Variants in TMEM170A observed in about 807,000 individuals in gnomAD.
TMEM170A encodes transmembrane protein 170A, also known as transmembrane protein 170.
Under a neutral mutation model 12.8 loss-of-function variants are expected in TMEM170A, and 18 were observed. The observed-to-expected ratio is 1.41, with a 90% CI of 0.97 to 2.09. The LOEUF (loss-of-function observed/expected upper bound fraction) is 2.09, where lower values mean the gene tolerates loss of function less well. TMEM170A is among the 30% of genes most tolerant of loss of function. The pLI is 0.00. For synonymous variants in TMEM170A, 107 were observed against 76.2 expected, an observed-to-expected ratio of 1.40 and a Z score of -2.11; for missense variants, 220 against 179.9, an observed-to-expected ratio of 1.22 and a Z score of -1.28.
rs991944952 is a variant in TMEM170A at position 75,464,380 on chromosome 16, C to G, written c.133+88G>C. The G allele has an allele frequency of 3.1e-5, 43 of 1,374,448 alleles. No individual in the cohort carries two copies. The African/African-American group carries it at 6.3e-4, about 20-fold the overall frequency. The allele number at this position is 1,374,448 out of a possible 1,614,324, so 85.1% of individuals were successfully genotyped here. On this transcript the variant is annotated intron_variant, in intron 1 of 2. Coordinates refer to ENST00000561878, the MANE Select transcript of TMEM170A (RefSeq NM_145254.3). ...GCCCACGCCGCCAGCAGGCTGCGCACCCGGGACCCCGCCCAGACTCGGGGC... is the reference window on the plus strand; with the variant it reads ...GCCCACGCCGCCAGCAGGCTGCGCAGCCGGGACCCCGCCCAGACTCGGGGC...
chr16:75,455,632 G>C (rs2079778954), intron 1 of TMEM170A, among the ~76,000 whole-genome samples: 1 of 152,012 alleles, frequency 6.6e-6, no homozygotes, highest in African/African-American at 2.4e-5. Flanking sequence ...GTGAAACACT[G>C]TCTCTCCTAA....
intron 1 of TMEM170A, among the ~76,000 whole-genome samples, chr16:75,460,984 G>C (rs965264719): frequency 1.3e-5 from 2 of 152,166 alleles, no homozygotes; most frequent in African/African-American, 2.4e-5. Flanking sequence ...TCTTGGTTTT[G>C]AGGTTTGTTA....
intron 1 of TMEM170A, among the ~76,000 whole-genome samples, chr16:75,458,068 T>C (rs2079831494): frequency 1.3e-5 from 2 of 152,244 alleles, no homozygotes; most frequent in South Asian, 4.1e-4. Flanking sequence ...AATAGCTATT[T>C]ATCGATTGTC....
chr16:75,450,164 C>T (rs2151629528), intron 2 of TMEM170A, among the ~76,000 whole-genome samples: 1 of 130,508 alleles, frequency 7.7e-6, no homozygotes, highest in African/African-American at 3.1e-5. Context: ...CACAGAGAAA[C>T]TAGGCCACTT....
At chr16:75,454,408 G>T (rs1413361682) in intron 1 of TMEM170A, among the ~76,000 whole-genome samples, 1 of 152,004 alleles carries the variant, frequency 6.6e-6, no homozygotes, top group African/African-American at 2.4e-5. Flanking sequence ...CACGAGGTCA[G>T]GAGTTCAAGA....
chr16:75,464,670 A>T lies in TMEM170A; in HGVS notation c.-70T>A, dbSNP rs2079967630. On this transcript the variant is annotated 5_prime_UTR_variant, in exon 1 of 3. Transcript: ENST00000561878. ...GTGCGGTAGCGGCCGGCGCCGACTC[A>T]CCCTCGCCGCCTCAGCGTCACCTCC... 56 of 1,517,524 alleles carry T rather than the reference A, an allele frequency of 3.7e-5. No homozygotes were observed. The highest frequency in any genetic ancestry group is 4.9e-5 in the Non-Finnish European group (56 of 1,141,076). 94.0% of individuals were successfully genotyped at this position (1,517,524 alleles called of 1,614,324 possible). A position where few individuals can be genotyped will look rare whatever the true frequency, so the allele number is the denominator to read the frequency against.
rs80104828 is a variant in TMEM170A at position 75,445,699 on chromosome 16, CT to C, written c.*1858del. ...GCAAATTGGTCCTCCTGACTTTTTT[CT>C]TTTTTTTTTTTTTCCAAATTGGGCA... On this transcript the variant is annotated 3_prime_UTR_variant, in exon 3 of 3. Coordinates refer to ENST00000561878, the MANE Select transcript of TMEM170A (RefSeq NM_145254.3). 714 of 140,328 alleles carry C rather than the reference CT, an allele frequency of 5.1e-3. 5 individuals carry two copies. Among genetic ancestry groups the C allele is most frequent in the African/African-American group, 0.013 (516 of 38,522 alleles). 8.7% of individuals were successfully genotyped at this position (140,328 alleles called of 1,614,324 possible).
At chr16:75,456,774 A>G (rs1387212384) in intron 1 of TMEM170A, among the ~76,000 whole-genome samples, 1 of 151,926 alleles carries the variant, frequency 6.6e-6, no homozygotes, top group East Asian at 1.9e-4. Context: ...GCCCACACAA[A>G]TCTCTCCTGC....
Position 75,451,815 on chromosome 16 carries a change from C to T in TMEM170A, c.158G>A (p.Trp53Ter), listed in dbSNP as rs1182864272. ...FPEMWYGVFL[W>*]ALVSSLFFHV... ...AAAGAAGAGAGAAGACACCAGTGCC[C>T]ACAGGAATACACCATACCACATCTC... is the stretch of plus-strand genomic sequence containing the variant. Residue 53 changes from tryptophan (W) to a stop codon, truncating the protein, a stop_gained, in exon 2 of 3, where the codon TGG becomes TAG. Coordinates refer to ENST00000561878, the MANE Select transcript of TMEM170A (RefSeq NM_145254.3). LOFTEE classifies it high-confidence loss of function. The T allele has an allele frequency of 1.2e-6, 2 of 1,613,122 alleles. No homozygotes were observed. The highest frequency in any genetic ancestry group is 2.2e-5 in the South Asian group (2 of 90,996).
At chr16:75,455,712 CG>C (rs1476716868) in intron 1 of TMEM170A, among the ~76,000 whole-genome samples, 2 of 151,728 alleles carry the variant, frequency 1.3e-5, no homozygotes, top group East Asian at 3.9e-4. Context: ...GGCTGAAGCC[CG>C]AGAATCGCTT....
Position 75,444,104 on chromosome 16 carries a change from A to C in TMEM170A, c.*3454T>G, listed in dbSNP as rs1461789199. ...CTCCATTTCAAAAAAAAAAGAAAAA[A>C]AAATCAAGAAATCAGCTTTTATGGT... On this transcript the variant is annotated 3_prime_UTR_variant, in exon 3 of 3. Coordinates refer to ENST00000561878, the MANE Select transcript of TMEM170A (RefSeq NM_145254.3). The C allele has an allele frequency of 6.6e-6, 1 of 151,410 alleles. No individual in the cohort carries two copies. Among genetic ancestry groups the C allele is most frequent in the African/African-American group, 2.4e-5 (1 of 41,202 alleles). 9.4% of individuals were successfully genotyped at this position (151,410 alleles called of 1,614,324 possible).
intron 2 of TMEM170A, among the ~76,000 whole-genome samples, chr16:75,448,592 ATC>A (rs1408361936): frequency 6.6e-6 from 1 of 151,636 alleles, no homozygotes; most frequent in Non-Finnish European, 1.5e-5. Flanking sequence ...GTGAAACCCC[ATC>A]TCTACTAAAA....
chr16:75,443,662 T>G lies in TMEM170A; in HGVS notation c.*3896A>C, dbSNP rs1167380836. 5 of 152,226 alleles carry G rather than the reference T, an allele frequency of 3.3e-5. No individual in the cohort carries two copies. Among genetic ancestry groups the G allele is most frequent in the African/African-American group, 1.2e-4 (5 of 41,452 alleles). 9.4% of individuals were successfully genotyped at this position (152,226 alleles called of 1,614,324 possible). On this transcript the variant is annotated 3_prime_UTR_variant, in exon 3 of 3. Transcript: ENST00000561878. ...AATTAATGAACTTTTCCTCACCTAG[T>G]GTAAACATTTCATAAGAAGTAATAT...
chr16:75,445,812 G>C lies in TMEM170A; in HGVS notation c.*1746C>G, dbSNP rs2079575098. On this transcript the variant is annotated 3_prime_UTR_variant, in exon 3 of 3. Coordinates refer to ENST00000561878, the MANE Select transcript of TMEM170A (RefSeq NM_145254.3). Reference sequence around the variant, plus strand: ...AGTGTGTATTGCTTTAAATGGAATAGATACGTTCATGTGTATATGACCTCA... The same window carrying C: ...AGTGTGTATTGCTTTAAATGGAATACATACGTTCATGTGTATATGACCTCA... 1 of 151,538 alleles carries C rather than the reference G, an allele frequency of 6.6e-6. No homozygotes were observed. The highest frequency in any genetic ancestry group is 1.5e-5 in the Non-Finnish European group (1 of 67,972). 9.4% of individuals were successfully genotyped at this position (151,538 alleles called of 1,614,324 possible).
At chr16:75,449,943 G>C (rs756853533) in intron 2 of TMEM170A, among the ~76,000 whole-genome samples, 28 of 152,190 alleles carry the variant, frequency 1.8e-4, no homozygotes, top group Non-Finnish European at 3.5e-4. Flanking sequence ...ACTATTCATA[G>C]AGCCTTAAAG....
chr16:75,463,280 A>G (rs910617947), intron 1 of TMEM170A, among the ~76,000 whole-genome samples: 4 of 152,124 alleles, frequency 2.6e-5, no homozygotes, highest in African/African-American at 9.7e-5. Flanking sequence ...CAGGGTCACC[A>G]GAATACCATC....
At chr16:75,464,384 G>A (rs2079960688) in intron 1 of TMEM170A, 84 bp downstream of exon 1, 3 of 1,375,504 alleles carry the variant, frequency 2.2e-6, no homozygotes, top group African/African-American at 3.1e-5. Context: ...TGCGCACCCG[G>A]GACCCCGCCC....
intron 2 of TMEM170A, chr16:75,451,458 A>C: frequency 1.6e-6 from 1 of 608,492 alleles, no homozygotes; most frequent in Non-Finnish European, 2.9e-6. Flanking sequence ...CTGATGGAGG[A>C]GGATTACTTG....
At chr16:75,458,926 C>G (rs1296759804) in intron 1 of TMEM170A, 1 of 152,044 alleles carries the variant, frequency 6.6e-6, no homozygotes, top group African/African-American at 2.4e-5. Context: ...GACAGTCTCA[C>G]TCTGTTGCCC....
Sources: gnomAD v4.1 joint callset for allele counts (sites outside exome capture counted in the v4.1 genomes callset) on GRCh38, gnomAD v4.1.1 for gene constraint, MANE v1.5 for transcripts, NCBI Gene and HGNC (gene_info 2026-07-23, HGNC 2026-07-21) for gene names.